MEF2A: variants seen among roughly 807,000 people sequenced by gnomAD.
The protein encoded by MEF2A is myocyte enhancer factor 2A, also known as myocyte-specific enhancer factor 2A.
In MEF2A, 28 loss-of-function variants were observed where a neutral mutation model predicts 55.8. The ratio of observed to expected loss-of-function variants is 0.50; its 90% CI spans 0.37 to 0.69. The LOEUF is 0.69. Ranked by LOEUF, MEF2A falls within the 30% of genes least tolerant of loss-of-function variation. MEF2A has a pLI of 0.00. For missense variants in MEF2A, 528 were observed against 626.2 expected (o/e 0.84, Z 1.67); for synonymous variants, 239 against 227.1 (o/e 1.05, Z -0.47).
intron 10 of MEF2A, among the ~76,000 whole-genome samples, chr15:99,708,596 A>G (rs756592687): frequency 6.6e-6 from 1 of 152,192 alleles, no homozygotes; most frequent in Non-Finnish European, 1.5e-5. Context: ...GAAGTTTACC[A>G]TGTTGTTTTT....
chr15:99,623,010 C>T (rs895219903), intron 2 of MEF2A, among the ~76,000 whole-genome samples: 2 of 152,106 alleles, frequency 1.3e-5, no homozygotes, highest in African/African-American at 2.4e-5. Context: ...CGGATGTTTT[C>T]ATCTTCTCAA....
chr15:99,684,934 T>C (rs146623666), intron 7 of MEF2A, among the ~76,000 whole-genome samples: 2 of 152,334 alleles, frequency 1.3e-5, no homozygotes, highest in African/African-American at 4.8e-5. Context: ...GCCAGCACCA[T>C]TTGCTGAATA....
intron 9 of MEF2A, among the ~76,000 whole-genome samples, chr15:99,704,508 G>A (rs2057792974): frequency 6.6e-6 from 1 of 152,224 alleles, no homozygotes; most frequent in African/African-American, 2.4e-5. Flanking sequence ...AGACCTCACT[G>A]TTCAAGGAGT....
At chr15:99,613,296 G>A (rs2039621599) in intron 2 of MEF2A, among the ~76,000 whole-genome samples, 1 of 152,034 alleles carries the variant, frequency 6.6e-6, no homozygotes, top group African/African-American at 2.4e-5. Flanking sequence ...AGTTGAATCC[G>A]GTGTTCTTTT....
At chr15:99,660,565 G>A (rs1287544786) in intron 4 of MEF2A, among the ~76,000 whole-genome samples, 1 of 152,122 alleles carries the variant, frequency 6.6e-6, no homozygotes, top group Non-Finnish European at 1.5e-5. Context: ...AAATGTCTTT[G>A]GGCTCTGAAT....
At chr15:99,691,320 T>C (rs942540016) in intron 8 of MEF2A, among the ~76,000 whole-genome samples, 1 of 152,180 alleles carries the variant, frequency 6.6e-6, no homozygotes, top group African/African-American at 2.4e-5. Context: ...CCATGACTTA[T>C]TTATTCTCTG....
At chr15:99,571,852 A>T (rs547692396) in intron 1 of MEF2A, among the ~76,000 whole-genome samples, 13 of 152,068 alleles carry the variant, frequency 8.5e-5, no homozygotes, top group Admixed American at 4.6e-4. Flanking sequence ...CTTAAGTCCA[A>T]TCCATCCCCA....
At chr15:99,611,934 A>G (rs994046314) in intron 2 of MEF2A, among the ~76,000 whole-genome samples, 1 of 152,242 alleles carries the variant, frequency 6.6e-6, no homozygotes, top group Non-Finnish European at 1.5e-5. Context: ...TACAGATTGT[A>G]TAATTGTATA....
intron 7 of MEF2A, among the ~76,000 whole-genome samples, chr15:99,686,103 C>T (rs1346368165): frequency 6.6e-6 from 1 of 152,060 alleles, no homozygotes; most frequent in Non-Finnish European, 1.5e-5. Flanking sequence ...TTTTCCACCC[C>T]TTTACTTTAT....
At chr15:99,620,617 T>C (rs1249673771) in intron 2 of MEF2A, among the ~76,000 whole-genome samples, 1 of 152,206 alleles carries the variant, frequency 6.6e-6, no homozygotes, top group African/African-American at 2.4e-5. Flanking sequence ...ATTCTGTGTC[T>C]TTGCTATCAT....
chr15:99,655,970 C>A (rs1205773594), intron 4 of MEF2A, among the ~76,000 whole-genome samples: 2 of 152,130 alleles, frequency 1.3e-5, no homozygotes, highest in East Asian at 1.9e-4. Context: ...GCAAAGACTT[C>A]GCTAAGGAAC....
chr15:99,579,623 C>T (rs535496464), intron 1 of MEF2A, among the ~76,000 whole-genome samples: 1 of 152,216 alleles, frequency 6.6e-6, no homozygotes, highest in East Asian at 1.9e-4. Context: ...CTCGGACTCC[C>T]GGCCTCAAGT....
chr15:99,592,764 C>T (rs950489277), intron 1 of MEF2A, among the ~76,000 whole-genome samples: 1 of 151,966 alleles, frequency 6.6e-6, no homozygotes, highest in East Asian at 1.9e-4. Flanking sequence ...GAACTCACTA[C>T]CAAGAGGAGG....
At chr15:99,706,623 A>G (rs1461393942) in intron 9 of MEF2A, 106 bp from the exon 10 acceptor site, 2 of 1,270,846 alleles carry the variant, frequency 1.6e-6, no homozygotes, top group African/African-American at 2.9e-5. Context: ...GCTTCAGAAA[A>G]TGACATTCAT....
chr15:99,623,578 A>G (rs948070816), intron 2 of MEF2A, among the ~76,000 whole-genome samples: 1 of 152,166 alleles, frequency 6.6e-6, no homozygotes, highest in Non-Finnish European at 1.5e-5. Context: ...CTGTTTCTTA[A>G]TAGCCATTTG....
chr15:99,645,445 A>G, intron 3 of MEF2A, 116 bp from the exon 4 acceptor site: 2 of 747,818 alleles, frequency 2.7e-6, no homozygotes, highest in South Asian at 2.0e-5. Flanking sequence ...CAAAGCTGGG[A>G]ACCTTTTCCA....
At chr15:99,615,987 A>G (rs530678997) in intron 2 of MEF2A, among the ~76,000 whole-genome samples, 1 of 152,276 alleles carries the variant, frequency 6.6e-6, no homozygotes, top group Non-Finnish European at 1.5e-5. Context: ...TCTGTGTTAT[A>G]CTACTTAAAA....
rs1597289521 is a variant in MEF2A, at chr15:99,703,353, T to C, written c.859-9T>C. On this transcript the variant is annotated splice_polypyrimidine_tract_variant and intron_variant, in intron 8 of 11. Coordinates refer to ENST00000557942, the MANE Select transcript of MEF2A (RefSeq NM_001319206.4). Reference sequence around the variant, plus strand: ...TAACTCTCTTATCCCTCTTATGTGCTGAGTACAGTCGGAGGAAGAGGAATT... The same window carrying C: ...TAACTCTCTTATCCCTCTTATGTGCCGAGTACAGTCGGAGGAAGAGGAATT... The C allele has an allele frequency of 1.9e-6, 3 of 1,612,604 alleles. No homozygotes were observed. Among genetic ancestry groups the C allele is most frequent in the African/African-American group, 2.7e-5 (2 of 74,986 alleles).
intron 2 of MEF2A, among the ~76,000 whole-genome samples, chr15:99,612,472 A>T (rs561520526): frequency 6.6e-6 from 1 of 152,182 alleles, no homozygotes; most frequent in Non-Finnish European, 1.5e-5. Context: ...TTTGCGGTAT[A>T]TGAATACCAT....
Sources: gnomAD v4.1 joint callset for allele counts (sites outside exome capture counted in the v4.1 genomes callset) on GRCh38, gnomAD v4.1.1 for gene constraint, MANE v1.5 for transcripts, NCBI Gene and HGNC (gene_info 2026-07-23, HGNC 2026-07-21) for gene names.